The following BMPR1B variants were observed in gnomAD, a reference collection of about 807,000 sequenced individuals.
BMPR1B encodes bone morphogenetic protein receptor type-1B.
A neutral mutation model predicts 59.1 loss-of-function variants in BMPR1B; 12 were observed. The observed-to-expected ratio is 0.20, with a 90% CI of 0.13 to 0.33. The LOEUF is 0.33. Ranked by LOEUF, BMPR1B falls within the 10% of genes least tolerant of loss-of-function variation. The pLI, the probability that BMPR1B is intolerant of heterozygous loss-of-function variation, is 1.00. For synonymous variants in BMPR1B, 237 were observed against 207.3 expected, an observed-to-expected ratio of 1.14 and a Z score of -1.23; for missense variants, 550 against 610.9, an observed-to-expected ratio of 0.90 and a Z score of 1.05.
intron 2 of BMPR1B, among the ~76,000 whole-genome samples, chr4:94,987,696 CT>C (rs941753574): frequency 7.2e-5 from 11 of 152,012 alleles, no homozygotes; most frequent in African/African-American, 2.7e-4. Flanking sequence ...TTGACCCCCC[CT>C]CGAAAGATAC....
chr4:94,930,933 T>A (rs2149033774), intron 2 of BMPR1B, among the ~76,000 whole-genome samples: 1 of 152,224 alleles, frequency 6.6e-6, no homozygotes, highest in South Asian at 2.1e-4. Flanking sequence ...CCCCATCTTT[T>A]GTTTTGTCAG....
chr4:94,949,861 G>T (rs1328527007), intron 2 of BMPR1B, among the ~76,000 whole-genome samples: 1 of 152,120 alleles, frequency 6.6e-6, no homozygotes, highest in Non-Finnish European at 1.5e-5. Flanking sequence ...TTGAGGAATT[G>T]CCACATTGTC....
chr4:95,149,822 C>T (rs1734909256), intron 11 of BMPR1B, among the ~76,000 whole-genome samples: 1 of 152,188 alleles, frequency 6.6e-6, no homozygotes, highest in African/African-American at 2.4e-5. Context: ...TGCTATTTAT[C>T]TGTGATGCCT....
chr4:94,901,688 A>G (rs148881847), intron 2 of BMPR1B, among the ~76,000 whole-genome samples: 103 of 152,134 alleles, frequency 6.8e-4, no homozygotes, highest in African/African-American at 2.4e-3. Flanking sequence ...AAAATAGTTG[A>G]TATCTGATAT....
intron 2 of BMPR1B, among the ~76,000 whole-genome samples, chr4:94,888,623 G>C (rs1324647820): frequency 6.6e-6 from 1 of 152,030 alleles, no homozygotes; most frequent in East Asian, 1.9e-4. Flanking sequence ...AAAGCAGAGA[G>C]AGATTAAATA....
intron 3 of BMPR1B, among the ~76,000 whole-genome samples, chr4:95,086,998 C>CTTT (rs34460668): frequency 7.6e-4 from 78 of 103,066 alleles, no homozygotes; most frequent in Non-Finnish European, 9.7e-4. Context: ...TCATATCCTT[C>CTTT]TTTTTTTTTT....
At chr4:94,953,990 T>G (rs1730048333) in intron 2 of BMPR1B, among the ~76,000 whole-genome samples, 1 of 152,186 alleles carries the variant, frequency 6.6e-6, no homozygotes, top group Non-Finnish European at 1.5e-5. Context: ...TAATCTTGTC[T>G]TCACACTTTA....
chr4:94,809,530 A>T (rs917029439), intron 1 of BMPR1B, among the ~76,000 whole-genome samples: 1 of 152,236 alleles, frequency 6.6e-6, no homozygotes, highest in Admixed American at 6.5e-5. Flanking sequence ...TGTTGATCAG[A>T]GAGTACACAC....
At chr4:94,928,286 C>G (rs1728966627) in intron 2 of BMPR1B, among the ~76,000 whole-genome samples, 1 of 151,612 alleles carries the variant, frequency 6.6e-6, no homozygotes, top group Non-Finnish European at 1.5e-5. Context: ...CTTCCACGTC[C>G]CAAGTAGCTA....
At chr4:94,897,563 C>CT (rs958721287) in intron 2 of BMPR1B, among the ~76,000 whole-genome samples, 1 of 151,910 alleles carries the variant, frequency 6.6e-6, no homozygotes, top group Non-Finnish European at 1.5e-5. Context: ...TTACATATTT[C>CT]TTTTTTTCTA....
chr4:95,051,298 C>T (rs888599174), intron 3 of BMPR1B, among the ~76,000 whole-genome samples: 13 of 152,178 alleles, frequency 8.5e-5, no homozygotes, highest in African/African-American at 3.1e-4. Context: ...AAGAAACAAA[C>T]TATTTTATGA....
At chr4:94,971,649 G>C (rs942104700) in intron 2 of BMPR1B, among the ~76,000 whole-genome samples, 4 of 150,730 alleles carry the variant, frequency 2.7e-5, no homozygotes, top group African/African-American at 7.3e-5. Flanking sequence ...AATATTACTA[G>C]AATATTTAAG....
intron 1 of BMPR1B, among the ~76,000 whole-genome samples, chr4:94,868,096 C>G (rs1195990395): frequency 1.3e-5 from 2 of 151,614 alleles, no homozygotes; most frequent in African/African-American, 2.4e-5. Context: ...GTTTTGGGCT[C>G]AAGCAGTTCT....
intron 3 of BMPR1B, among the ~76,000 whole-genome samples, chr4:95,042,670 C>G (rs183763905): frequency 6.6e-6 from 1 of 152,198 alleles, no homozygotes; most frequent in Admixed American, 6.5e-5. Context: ...AAAAGATGGC[C>G]AAATAGTATG....
At chr4:95,007,381 T>C (rs1482610236) in intron 3 of BMPR1B, among the ~76,000 whole-genome samples, 6 of 152,184 alleles carry the variant, frequency 3.9e-5, no homozygotes, top group Admixed American at 6.6e-5. Context: ...TGCTCTGCTT[T>C]TCAGGAACTC....
intron 3 of BMPR1B, chr4:95,091,369 G>A (rs1729974711): frequency 1.4e-6 from 1 of 728,766 alleles, no homozygotes; most frequent in Non-Finnish European, 1.7e-6. Flanking sequence ...CCTGAACATA[G>A]CTCATTGCTT....
At chr4:95,028,569 A>G (rs566104169) in intron 3 of BMPR1B, among the ~76,000 whole-genome samples, 8 of 152,284 alleles carry the variant, frequency 5.3e-5, no homozygotes, top group African/African-American at 1.9e-4. Context: ...AAAAGAGGCA[A>G]AATTACCTTA....
At chr4:94,933,529 T>C (rs1410144371) in intron 2 of BMPR1B, among the ~76,000 whole-genome samples, 1 of 152,080 alleles carries the variant, frequency 6.6e-6, no homozygotes, top group Non-Finnish European at 1.5e-5. Context: ...ACAATAGGAT[T>C]GTCTGGAGAA....
chr4:95,096,825 T>C (rs1032525331), intron 3 of BMPR1B, among the ~76,000 whole-genome samples: 5 of 141,064 alleles, frequency 3.5e-5, no homozygotes, highest in South Asian at 4.3e-4. Flanking sequence ...TAAATATATT[T>C]ATATTTATAT....
Sources: allele counts gnomAD v4.1 joint callset (sites outside exome capture counted in the v4.1 genomes callset), GRCh38; gene constraint gnomAD v4.1.1; transcripts MANE v1.5; gene names NCBI Gene and HGNC (gene_info 2026-07-23, HGNC 2026-07-21).